CACNA1C: variants seen among roughly 807,000 people sequenced by gnomAD.
CACNA1C encodes voltage-dependent L-type calcium channel subunit alpha-1C.
In CACNA1C, 30 loss-of-function variants were observed where a neutral mutation model predicts 229.0. The ratio of observed to expected loss-of-function variants is 0.13; its 90% confidence interval spans 0.10 to 0.18. CACNA1C has a LOEUF of 0.18. CACNA1C is among the 10% of genes least tolerant of loss of function. The probability of loss-of-function intolerance (pLI) is 1.00; values close to 1 mark genes in which losing one functional copy is unlikely to be tolerated. For synonymous variants in CACNA1C, 1,114 were observed against 1,132.5 expected (o/e 0.98, Z 0.33); for missense variants, 1,658 against 2,845.0 (o/e 0.58, Z 9.49).
At position 2,355,761 on chromosome 12, in the gene CACNA1C, T is replaced by C. The variant is rs913072270; in HGVS notation, c.478-93215T>C. 1.1e-4 allele frequency among the ~76,000 whole-genome samples: 16 copies of C among 152,192 alleles called. 1 individual carries two copies. The highest frequency in any genetic ancestry group is 4.4e-5 in the Non-Finnish European group (3 of 68,030). ...TGGAGACAGATTTGGTTTTCACAAC[T>C]GAAAGGGGAGCTACTGGCATCTAGC... On this transcript the variant is annotated intron_variant, in intron 3 of 46. Coordinates refer to ENST00000399655, the MANE Select transcript of CACNA1C (RefSeq NM_000719.7).
intron 9 of CACNA1C, among the ~76,000 whole-genome samples, chr12:2,517,111 T>C (rs1181334148): frequency 6.6e-6 from 1 of 152,166 alleles, no homozygotes; most frequent in East Asian, 1.9e-4. Context: ...GGCTTAGCAA[T>C]GTGGGGCTCA....
chr12:2,161,265 A>T (rs1425069271), intron 3 of CACNA1C, among the ~76,000 whole-genome samples: 1 of 151,090 alleles, frequency 6.6e-6, no homozygotes, highest in Non-Finnish European at 1.5e-5. Context: ...ATGTGGTGGG[A>T]TGGGAAGGGG....
intron 5 of CACNA1C, among the ~76,000 whole-genome samples, chr12:2,474,955 A>G (rs1347684676): frequency 6.6e-6 from 1 of 152,150 alleles, no homozygotes; most frequent in Non-Finnish European, 1.5e-5. Flanking sequence ...CTCTGTGGAG[A>G]AAGATAACAT....
chr12:1,986,624 AG>A (rs1430860143), intron 1 of CACNA1C, among the ~76,000 whole-genome samples: 1 of 150,720 alleles, frequency 6.6e-6, no homozygotes, highest in Non-Finnish European at 1.5e-5. Context: ...GGGAAAGAAA[AG>A]GGGGAAGTTT....
At chr12:2,080,524 C>T (rs2065127518) in intron 1 of CACNA1C, among the ~76,000 whole-genome samples, 1 of 151,382 alleles carries the variant, frequency 6.6e-6, no homozygotes, top group Non-Finnish European at 1.5e-5. Flanking sequence ...TGGCATGAAC[C>T]CGGGAGGCGG....
intron 1 of CACNA1C, among the ~76,000 whole-genome samples, chr12:2,059,999 G>A (rs572043885): frequency 1.6e-4 from 24 of 152,302 alleles, no homozygotes; most frequent in African/African-American, 5.5e-4. Flanking sequence ...TTGGAAGGGT[G>A]GGGTGGGGGA....
chr12:2,093,650 C>T lies in CACNA1C; in HGVS notation c.50-21574C>T, dbSNP rs547479866. On this transcript the variant is annotated intron_variant, in intron 1 of 46. Transcript: ENST00000399655. The stretch of plus-strand genomic sequence containing the variant: ...GGGCAGGTGGTGGCTGCTCCTTTCC[C>T]TCATCGCGGAGCACTTTACACAACT... Among the ~76,000 whole-genome samples the T allele has an allele frequency of 1.4e-3, 207 of 152,314 alleles. 5 individuals are homozygous for T. The highest frequency in any genetic ancestry group is 4.4e-3 in the African/African-American group (182 of 41,558).
chr12:2,604,124 A>T (rs1266542436), intron 22 of CACNA1C, among the ~76,000 whole-genome samples: 1 of 152,168 alleles, frequency 6.6e-6, no homozygotes, highest in Non-Finnish European at 1.5e-5. Context: ...GTTTTTATAC[A>T]GAAAAGGAGA....
At chr12:2,286,660 C>T (rs2092724178) in intron 3 of CACNA1C, among the ~76,000 whole-genome samples, 2 of 152,100 alleles carry the variant, frequency 1.3e-5, no homozygotes, top group Admixed American at 6.5e-5. Flanking sequence ...GGAGGAGGCG[C>T]AGTCCCTCCC....
Position 2,512,707 on chromosome 12 carries a change from C to T in CACNA1C, c.1218-105C>T, listed in dbSNP as rs2154579648. 1 of 866,072 alleles carries T rather than the reference C, an allele frequency of 1.2e-6. No homozygotes were observed. The highest frequency in any genetic ancestry group is 2.1e-5 in the South Asian group (1 of 48,106). The allele number at this position is 866,072 out of a possible 1,614,324, so 53.6% of individuals were successfully genotyped here. A position where few individuals can be genotyped will look rare whatever the true frequency, so the allele number is the denominator to read the frequency against. ...GTTTCTCCCTGCAAAGCAATTAAGACTCTTGTTTCTCCTTATCTCCATCTC... is the reference window on the plus strand; with the variant it reads ...GTTTCTCCCTGCAAAGCAATTAAGATTCTTGTTTCTCCTTATCTCCATCTC... On this transcript the variant is annotated intron_variant, in intron 8 of 46. Transcript: ENST00000399655. This position sits in a 1 kb window ranked among gnomAD's most constrained non-coding sequence, Gnocchi z 4.3.
At chr12:2,141,018 G>A (rs2094126376) in intron 3 of CACNA1C, among the ~76,000 whole-genome samples, 2 of 151,094 alleles carry the variant, frequency 1.3e-5, no homozygotes, top group African/African-American at 4.8e-5. Flanking sequence ...GTGGCACTGG[G>A]GCTGAGAGGT....
rs2153231479 is a variant in CACNA1C, at chr12:2,585,376, G to A, written c.2340G>A (p.Arg780=). 6.2e-7 allele frequency: 1 copy of A among 1,612,548 alleles called. No homozygotes were observed. The highest frequency in any genetic ancestry group is 2.2e-5 in the East Asian group (1 of 44,866). ...TTTTTTTCTGCTGCTGACTGGCCAGGACTGCCAGCCCAGAGAAGAAACAAG... is the reference window on the plus strand; with the variant it reads ...TTTTTTTCTGCTGCTGACTGGCCAGAACTGCCAGCCCAGAGAAGAAACAAG... ...EEEKERKKLA[R]TASPEKKQEL... Residue 780 remains arginine, a splice_region_variant and synonymous_variant, in exon 17 of 47, where the codon AGG becomes AGA. Transcript: ENST00000399655. The surrounding 1 kb of genome is among the most constrained non-coding windows in gnomAD (Gnocchi z 4.1).
intron 3 of CACNA1C, among the ~76,000 whole-genome samples, chr12:2,431,123 T>C (rs2099079595): frequency 6.6e-6 from 1 of 152,170 alleles, no homozygotes; most frequent in South Asian, 2.1e-4. Flanking sequence ...GGTCAGTAGT[T>C]CCCAGGCCCT....
At chr12:2,242,576 A>G (rs1468065823) in intron 3 of CACNA1C, among the ~76,000 whole-genome samples, 1 of 152,172 alleles carries the variant, frequency 6.6e-6, no homozygotes, top group Non-Finnish European at 1.5e-5. Context: ...TTAATCAACT[A>G]TGTCAGTGGC....
intron 34 of CACNA1C, among the ~76,000 whole-genome samples, chr12:2,664,121 T>G (rs1385432248): frequency 6.6e-6 from 1 of 152,214 alleles, no homozygotes; most frequent in Non-Finnish European, 1.5e-5. Context: ...AACATGCAAT[T>G]TAATGGAAGA....
intron 4 of CACNA1C, among the ~76,000 whole-genome samples, chr12:2,455,155 C>T (rs917121063): frequency 6.6e-6 from 1 of 152,208 alleles, no homozygotes; most frequent in African/African-American, 2.4e-5. Context: ...AGATGATTCC[C>T]ATCACATAGA....
At position 2,653,371 on chromosome 12, in the gene CACNA1C, T is replaced by C. The variant is rs1005253690; in HGVS notation, c.4075-464T>C. ...ATCTTTCTTTTAAATTTTTCCTTAT[T>C]AAATGTTTCCATTGCAATAGTAATA... On this transcript the variant is annotated intron_variant, in intron 32 of 46. Coordinates refer to ENST00000399655, the MANE Select transcript of CACNA1C (RefSeq NM_000719.7). The surrounding 1 kb of genome is among the most constrained non-coding windows in gnomAD (Gnocchi z 4.7). Among the ~76,000 whole-genome samples, 16 of 152,292 alleles carry C rather than the reference T, an allele frequency of 1.1e-4. No individual in the cohort carries two copies. Among genetic ancestry groups the C allele is most frequent in the Admixed American group, 7.8e-4 (12 of 15,310 alleles).
chr12:2,429,036 G>A (rs2099058476), intron 3 of CACNA1C, among the ~76,000 whole-genome samples: 1 of 152,172 alleles, frequency 6.6e-6, no homozygotes, highest in Admixed American at 6.5e-5. Flanking sequence ...TCTCTAGGGA[G>A]AATCTGTTCC....
rs1555962470 is a variant in CACNA1C, at chr12:2,651,596, CT to C, written c.3946-43del. ...GAGGGGCCCTCCTGTTCTCACCCCC[CT>C]CTTGCTGTGCTAACTGCACCTCCTG... On this transcript the variant is annotated intron_variant, in intron 31 of 46. Coordinates refer to ENST00000399655, the MANE Select transcript of CACNA1C (RefSeq NM_000719.7). The surrounding 1 kb of genome is among the most constrained non-coding windows in gnomAD (Gnocchi z 5.4). 4 of 1,613,776 alleles carry C rather than the reference CT, an allele frequency of 2.5e-6. No individual in the cohort carries two copies. The highest frequency in any genetic ancestry group is 1.7e-6 in the Non-Finnish European group (2 of 1,179,842).
Sources: allele counts gnomAD v4.1 joint callset (sites outside exome capture counted in the v4.1 genomes callset), GRCh38; gene constraint gnomAD v4.1.1; non-coding constraint Gnocchi (gnomAD v3.1); transcripts MANE v1.5; gene names NCBI Gene and HGNC (gene_info 2026-07-23, HGNC 2026-07-21).